The following CFAP20DC variants were observed in gnomAD, a reference collection of about 807,000 sequenced individuals.
CFAP20DC encodes protein CFAP20DC.
A neutral mutation model predicts 101.7 loss-of-function variants in CFAP20DC; 84 were observed. The observed-to-expected ratio is 0.83, with a 90% confidence interval of 0.69 to 0.99. The LOEUF is 0.99. Ranked by LOEUF, CFAP20DC falls within the 50% of genes least tolerant of loss-of-function variation. CFAP20DC has a pLI of 0.00. For synonymous variants in CFAP20DC, 359 were observed against 351.2 expected (o/e 1.02, Z -0.25); for missense variants, 1,007 against 970.3 (o/e 1.04, Z -0.50).
chr3:58,933,724 T>A (rs550766597), intron 5 of CFAP20DC, among the ~76,000 whole-genome samples: 21 of 150,972 alleles, frequency 1.4e-4, no homozygotes, highest in African/African-American at 4.6e-4. Context: ...TTGAAACCAA[T>A]GAGAACAAAG....
At position 58,864,042 on chromosome 3, in the gene CFAP20DC, C is replaced by T; in HGVS notation, c.1259-150G>A. 1.4e-6 allele frequency: 1 copy of T among 726,400 alleles called. No homozygotes were observed. The allele number at this position is 726,400 out of a possible 1,614,324, so 45.0% of individuals were successfully genotyped here. ...ACGCGATCTCGGCTCACTGCAACCT[C>T]CGCCTCCCAACCTTCAAGTGATTCT... On this transcript the variant is annotated intron_variant, in intron 11 of 16. Transcript: ENST00000482387. The surrounding 1 kb of genome is among the most constrained non-coding windows in gnomAD (Gnocchi z 4.7).
At chr3:58,826,846 G>A (rs1329449734) in intron 14 of CFAP20DC, among the ~76,000 whole-genome samples, 1 of 152,112 alleles carries the variant, frequency 6.6e-6, no homozygotes, top group Non-Finnish European at 1.5e-5. Context: ...CTGTAATTGA[G>A]CCAGAAGATA....
rs569280516 is a variant in CFAP20DC, at chr3:58,752,770, G to C, written c.2332+999C>G. Reference sequence around the variant, plus strand: ...CCAAAACGTACAACTCAGATGTATGGGCTCTCACTCTGAATTCTCCATACC... The same window carrying C: ...CCAAAACGTACAACTCAGATGTATGCGCTCTCACTCTGAATTCTCCATACC... On this transcript the variant is annotated intron_variant, in intron 16 of 16. Transcript: ENST00000482387. 1.6e-4 allele frequency among the ~76,000 whole-genome samples: 24 copies of C among 152,118 alleles called. No individual in the cohort carries two copies. In the East Asian group the frequency reaches 3.9e-3, roughly 25 times the overall value.
intron 3 of CFAP20DC, among the ~76,000 whole-genome samples, chr3:59,044,020 CT>C (rs1263369553): frequency 6.6e-6 from 1 of 152,080 alleles, no homozygotes; most frequent in Non-Finnish European, 1.5e-5. Flanking sequence ...TCACAATTTC[CT>C]TTATTTTATG....
chr3:59,029,029 G>C (rs762606926), intron 4 of CFAP20DC, among the ~76,000 whole-genome samples: 1 of 152,160 alleles, frequency 6.6e-6, no homozygotes, highest in South Asian at 2.1e-4. Flanking sequence ...GTTCCCCACT[G>C]ATCTTGCTCT....
chr3:58,865,241 T>G (rs947258409), intron 11 of CFAP20DC, among the ~76,000 whole-genome samples: 6 of 152,144 alleles, frequency 3.9e-5, no homozygotes, highest in Admixed American at 3.9e-4. Flanking sequence ...GATCTAAGAT[T>G]TGCAACTCTA....
At position 58,848,089 on chromosome 3, in the gene CFAP20DC, G is replaced by A. The variant is rs573286421; in HGVS notation, c.1971+943C>T. 8.8e-4 allele frequency among the ~76,000 whole-genome samples: 127 copies of A among 144,940 alleles called. 1 individual carries two copies. The highest frequency in any genetic ancestry group is 3.1e-3 in the African/African-American group (119 of 38,482). On this transcript the variant is annotated intron_variant, in intron 13 of 16. Transcript: ENST00000482387. ...GCTAGATGACGAGTTAGTGGGTGCAGTGCACCAGCATGGCACATGTATACA... is the reference window on the plus strand; with the variant it reads ...GCTAGATGACGAGTTAGTGGGTGCAATGCACCAGCATGGCACATGTATACA...
At chr3:58,921,310 C>T (rs569459142) in intron 5 of CFAP20DC, among the ~76,000 whole-genome samples, 103 of 151,626 alleles carry the variant, frequency 6.8e-4, no homozygotes, top group African/African-American at 2.4e-3. Flanking sequence ...GTTTTTCTAC[C>T]TTTCTTAGAT....
At chr3:59,034,600 G>A (rs2109138237) in intron 4 of CFAP20DC, among the ~76,000 whole-genome samples, 1 of 152,108 alleles carries the variant, frequency 6.6e-6, no homozygotes, top group East Asian at 1.9e-4. Context: ...GACAAAGAAG[G>A]GCATTACATA....
At chr3:58,986,812 C>T (rs1383991315) in intron 4 of CFAP20DC, among the ~76,000 whole-genome samples, 1 of 152,014 alleles carries the variant, frequency 6.6e-6, no homozygotes, top group Non-Finnish European at 1.5e-5. Flanking sequence ...ACGGAAAAAA[C>T]GACCCCCAAT....
At chr3:59,024,386 T>C (rs1270853214) in intron 4 of CFAP20DC, among the ~76,000 whole-genome samples, 3 of 152,164 alleles carry the variant, frequency 2.0e-5, no homozygotes, top group South Asian at 2.1e-4. Flanking sequence ...AGTAGCCTCA[T>C]TGGGATCTAA....
intron 14 of CFAP20DC, among the ~76,000 whole-genome samples, 160 bp from the exon 15 acceptor site, chr3:58,806,616 G>A (rs1281112076): frequency 1.3e-5 from 2 of 152,240 alleles, no homozygotes; most frequent in Non-Finnish European, 2.9e-5. Context: ...AACAGCTCCA[G>A]TGTACAGCTC....
At chr3:58,995,378 A>T (rs1007472539) in intron 4 of CFAP20DC, among the ~76,000 whole-genome samples, 19 of 368 alleles carry the variant, frequency 0.052, no homozygotes, top group Non-Finnish European at 0.21. Context: ...TATCTCACTA[A>T]AAAAAAAAAA....
chr3:58,926,768 AT>A (rs752700077), intron 5 of CFAP20DC, among the ~76,000 whole-genome samples: 254 of 152,316 alleles, frequency 1.7e-3, no homozygotes, highest in Non-Finnish European at 3.1e-3. Context: ...CTAAAGAGTA[AT>A]TTTATCCATT....
At chr3:58,987,922 GA>G (rs2092805063) in intron 4 of CFAP20DC, among the ~76,000 whole-genome samples, 1 of 151,944 alleles carries the variant, frequency 6.6e-6, no homozygotes, top group South Asian at 2.1e-4. Context: ...CAGATTGTTT[GA>G]GATATAAAAA....
chr3:58,966,347 C>T (rs1392561056), intron 4 of CFAP20DC, among the ~76,000 whole-genome samples: 4 of 152,122 alleles, frequency 2.6e-5, no homozygotes, highest in South Asian at 2.1e-4. Context: ...CCTCCTGAAA[C>T]GTGTCCCTAC....
At chr3:59,022,230 A>G (rs1183198759) in intron 4 of CFAP20DC, among the ~76,000 whole-genome samples, 1 of 152,074 alleles carries the variant, frequency 6.6e-6, no homozygotes, top group African/African-American at 2.4e-5. Flanking sequence ...AAAAGGCAGC[A>G]AAGATATAAA....
chr3:58,781,957 C>T lies in CFAP20DC; in HGVS notation c.2237+24438G>A, dbSNP rs76347164. Reference sequence around the variant, plus strand: ...CCAGCATCACCATACCAAAATCAGACAATGACACAACAAAGATAAGAAAAC... The same window carrying T: ...CCAGCATCACCATACCAAAATCAGATAATGACACAACAAAGATAAGAAAAC... On this transcript the variant is annotated intron_variant, in intron 15 of 16. Transcript: ENST00000482387. 2.4e-4 allele frequency among the ~76,000 whole-genome samples: 37 copies of T among 152,042 alleles called. No individual in the cohort carries two copies. The East Asian group carries it at 2.5e-3, about 10-fold the overall frequency.
chr3:58,759,340 T>G (rs1303610114), intron 15 of CFAP20DC, among the ~76,000 whole-genome samples: 2 of 152,260 alleles, frequency 1.3e-5, no homozygotes, highest in Non-Finnish European at 2.9e-5. Flanking sequence ...TGTCTTCTTT[T>G]GAGAAGTGTC....
Sources: allele counts gnomAD v4.1 joint callset (sites outside exome capture counted in the v4.1 genomes callset), GRCh38; gene constraint gnomAD v4.1.1; non-coding constraint Gnocchi (gnomAD v3.1); transcripts MANE v1.5; gene names NCBI Gene and HGNC (gene_info 2026-07-23, HGNC 2026-07-21).